Variants in SV2C observed in about 807,000 individuals in gnomAD.
The protein encoded by SV2C is solute carrier family 22 member B3.
Under a neutral mutation model 79.7 loss-of-function variants are expected in SV2C, and 49 were observed. The observed-to-expected ratio is 0.61, with a 90% CI of 0.49 to 0.78. SV2C has a LOEUF of 0.78. SV2C is among the 30% of genes least tolerant of loss of function. SV2C has a pLI of 0.00. For synonymous variants in SV2C, 334 were observed against 333.2 expected, an observed-to-expected ratio of 1.00 and a Z score of -0.03; for missense variants, 833 against 912.9, an observed-to-expected ratio of 0.91 and a Z score of 1.13.
chr5:76,152,293 T>C (rs1040744281), intron 2 of SV2C, among the ~76,000 whole-genome samples: 3 of 152,236 alleles, frequency 2.0e-5, no homozygotes, highest in Non-Finnish European at 4.4e-5. Flanking sequence ...CAAGGTACTT[T>C]GATATATTTT....
At chr5:75,899,478 A>C in the SV2C span, among the ~76,000 whole-genome samples, 1 of 152,110 alleles carries the variant, frequency 6.6e-6, no homozygotes, top group African/African-American at 2.4e-5. Context: ...GGAGAGCTTT[A>C]CTTCCAAGTA....
At chr5:76,021,641 T>C in the SV2C span, among the ~76,000 whole-genome samples, 2 of 152,198 alleles carry the variant, frequency 1.3e-5, no homozygotes, top group African/African-American at 4.8e-5. Context: ...GGTCTAAAAA[T>C]CCTTTAGGTG....
Position 76,262,896 on chromosome 5 carries a change from A to C in SV2C, c.914-22266A>C, listed in dbSNP as rs377010416. The stretch of plus-strand genomic sequence containing the variant: ...TAAGTATGATGTGGTGCTGAGAAGA[A>C]TACATATTCTGTTGATTTGGGGTGG... On this transcript the variant is annotated intron_variant, in intron 4 of 12. Coordinates refer to ENST00000502798, the MANE Select transcript of SV2C (RefSeq NM_014979.4). 2.0e-5 allele frequency among the ~76,000 whole-genome samples: 3 copies of C among 152,222 alleles called. 1 individual carries two copies. In the East Asian group the frequency reaches 5.8e-4, roughly 29 times the overall value.
At chr5:76,300,659 C>T in intron 10 of SV2C, 70 bp from the exon 11 acceptor site, 1 of 1,502,302 alleles carries the variant, frequency 6.7e-7, no homozygotes, top group Non-Finnish European at 9.2e-7. Flanking sequence ...CCGAATCCTC[C>T]ATAGGCTTTC....
At chr5:76,341,955 A>G (rs955208007) in intron 12 of SV2C, among the ~76,000 whole-genome samples, 11 of 152,198 alleles carry the variant, frequency 7.2e-5, no homozygotes. Context: ...ATAGGCATGC[A>G]TAGCAGGTAC....
chr5:76,083,681 C>G (rs989273034), intron 1 of SV2C, among the ~76,000 whole-genome samples, 169 bp downstream of exon 1: 4 of 152,202 alleles, frequency 2.6e-5, no homozygotes, highest in Non-Finnish European at 5.9e-5. Context: ...GTGCCCGCTG[C>G]TTTGTAGGCG....
chr5:75,889,837 C>G, the SV2C span, among the ~76,000 whole-genome samples: 1 of 151,920 alleles, frequency 6.6e-6, no homozygotes, highest in African/African-American at 2.4e-5. Flanking sequence ...TGAAGCTTGT[C>G]CAAGGTGCCC....
At chr5:76,034,493 T>C in the SV2C span, among the ~76,000 whole-genome samples, 1 of 152,226 alleles carries the variant, frequency 6.6e-6, no homozygotes, top group African/African-American at 2.4e-5. Context: ...CTTTTCTGCA[T>C]CTGTTGAGAT....
chr5:76,177,071 C>T (rs1048250735), intron 2 of SV2C, among the ~76,000 whole-genome samples: 11 of 150,534 alleles, frequency 7.3e-5, no homozygotes, highest in African/African-American at 2.4e-4. Flanking sequence ...GCCGAGATCA[C>T]GCCACTGCAC....
chr5:75,902,084 T>C, the SV2C span, among the ~76,000 whole-genome samples: 10 of 149,588 alleles, frequency 6.7e-5, no homozygotes, highest in South Asian at 2.1e-4. Context: ...GTGCATGGTG[T>C]GCTGCACCCA....
At chr5:76,273,634 C>T (rs941608485) in intron 4 of SV2C, among the ~76,000 whole-genome samples, 2 of 152,174 alleles carry the variant, frequency 1.3e-5, no homozygotes, top group Admixed American at 6.5e-5. Flanking sequence ...TGCTCCTCTG[C>T]GCATTCCAAA....
intron 3 of SV2C, among the ~76,000 whole-genome samples, chr5:76,195,844 T>A (rs1480482635): frequency 6.6e-6 from 1 of 152,172 alleles, no homozygotes; most frequent in Non-Finnish European, 1.5e-5. Flanking sequence ...AAATAATCTG[T>A]ACAACAAACC....
At chr5:75,906,238 A>C in the SV2C span, among the ~76,000 whole-genome samples, 1 of 152,158 alleles carries the variant, frequency 6.6e-6, no homozygotes, top group South Asian at 2.1e-4. Flanking sequence ...TCTGGCCTCC[A>C]GAACTGTGAG....
At chr5:75,875,376 A>G in the SV2C span, among the ~76,000 whole-genome samples, 9 of 152,212 alleles carry the variant, frequency 5.9e-5, no homozygotes, top group Non-Finnish European at 1.2e-4. Context: ...CAGGCTAGCC[A>G]TGTGCAGAAG....
At chr5:76,168,528 G>C (rs1014699289) in intron 2 of SV2C, among the ~76,000 whole-genome samples, 1 of 152,174 alleles carries the variant, frequency 6.6e-6, no homozygotes, top group Non-Finnish European at 1.5e-5. Context: ...AGATGATGTC[G>C]TGAAGGAGGT....
the SV2C span, among the ~76,000 whole-genome samples, chr5:75,999,486 C>G: frequency 7.9e-5 from 12 of 151,818 alleles, no homozygotes; most frequent in East Asian, 2.3e-3. Flanking sequence ...GGTTGGAGCC[C>G]CAGGAAAGCC....
At position 76,299,953 on chromosome 5, in the gene SV2C, T is replaced by G. The variant is rs553709382; in HGVS notation, c.1637-776T>G. Among the ~76,000 whole-genome samples, 27 of 152,252 alleles carry G rather than the reference T, an allele frequency of 1.8e-4. No individual in the cohort carries two copies. The South Asian group carries it at 5.0e-3, about 28-fold the overall frequency. The stretch of plus-strand genomic sequence containing the variant: ...TTCAGATGAGGCTGACTCTTGTTCC[T>G]CAGTAGATTCATGCACATAGACTTT... On this transcript the variant is annotated intron_variant, in intron 10 of 12. Coordinates refer to ENST00000502798, the MANE Select transcript of SV2C (RefSeq NM_014979.4).
chr5:75,863,386 T>C, the SV2C span, among the ~76,000 whole-genome samples: 3 of 152,190 alleles, frequency 2.0e-5, no homozygotes, highest in Non-Finnish European at 4.4e-5. Flanking sequence ...ATTTCTACCA[T>C]ACAAAGACAA....
chr5:75,853,145 TACA>T, the SV2C span, among the ~76,000 whole-genome samples: 205 of 152,236 alleles, frequency 1.3e-3, 3 homozygotes, highest in East Asian at 0.031. Context: ...TAAGGATGCA[TACA>T]ACAACAACTA....
Sources: gnomAD v4.1 joint callset for allele counts (sites outside exome capture counted in the v4.1 genomes callset) on GRCh38, gnomAD v4.1.1 for gene constraint, MANE v1.5 for transcripts, NCBI Gene and HGNC (gene_info 2026-07-23, HGNC 2026-07-21) for gene names.